Variants in GRXCR1 observed in about 807,000 individuals in gnomAD.
GRXCR1 encodes glutaredoxin domain-containing cysteine-rich protein 1.
In GRXCR1, 27 loss-of-function variants were observed where a neutral mutation model predicts 27.3. The observed-to-expected ratio is 0.99, with a 90% CI of 0.73 to 1.37. GRXCR1 has a LOEUF of 1.37. Among genes scored for constraint, GRXCR1 ranks in the 40% most tolerant of loss-of-function variants. The pLI is 0.00. For synonymous variants in GRXCR1, 122 were observed against 131.1 expected, an observed-to-expected ratio of 0.93 and a Z score of 0.47; for missense variants, 379 against 354.4, an observed-to-expected ratio of 1.07 and a Z score of -0.56.
chr4:42,956,171 G>C (rs535265323), intron 1 of GRXCR1, among the ~76,000 whole-genome samples: 18 of 152,188 alleles, frequency 1.2e-4, no homozygotes, highest in African/African-American at 3.9e-4. Context: ...TTGTTGTAAG[G>C]CTTCCAGGCA....
intron 1 of GRXCR1, among the ~76,000 whole-genome samples, chr4:42,925,233 G>T (rs1043384663): frequency 2.0e-5 from 3 of 152,002 alleles, no homozygotes; most frequent in African/African-American, 4.8e-5. Context: ...TTTTTGGAAG[G>T]TGGAAGGAAA....
intron 1 of GRXCR1, among the ~76,000 whole-genome samples, chr4:42,948,179 C>T (rs1032874109): frequency 6.6e-6 from 1 of 150,952 alleles, no homozygotes; most frequent in Non-Finnish European, 1.5e-5. Context: ...TCATGTAATG[C>T]GAAGTACCTC....
chr4:42,928,611 A>G (rs1747225954), intron 1 of GRXCR1, among the ~76,000 whole-genome samples: 1 of 152,172 alleles, frequency 6.6e-6, no homozygotes, highest in African/African-American at 2.4e-5. Context: ...TTTTAGAGAT[A>G]GGAGGCACTG....
chr4:42,917,388 T>C (rs528355048), intron 1 of GRXCR1, among the ~76,000 whole-genome samples: 26 of 152,182 alleles, frequency 1.7e-4, no homozygotes, highest in African/African-American at 6.3e-4. Context: ...AATTGTTTTG[T>C]TGTGCTAGGC....
At chr4:42,983,789 T>C (rs1711569630) in intron 2 of GRXCR1, among the ~76,000 whole-genome samples, 1 of 151,914 alleles carries the variant, frequency 6.6e-6, no homozygotes, top group Non-Finnish European at 1.5e-5. Context: ...TTTTCTCCTC[T>C]AAGTGTATAT....
chr4:42,983,073 G>A (rs1475301693), intron 2 of GRXCR1, among the ~76,000 whole-genome samples: 203 of 151,564 alleles, frequency 1.3e-3, no homozygotes, highest in African/African-American at 4.2e-3. Context: ...GATCCCATTT[G>A]TCAATTTTGG....
chr4:42,924,979 C>T (rs1432284699), intron 1 of GRXCR1, among the ~76,000 whole-genome samples: 1 of 151,530 alleles, frequency 6.6e-6, no homozygotes, highest in South Asian at 2.1e-4. Flanking sequence ...TTAGCAGAAA[C>T]TTTTACTTGC....
chr4:42,916,391 A>C (rs1289715036), intron 1 of GRXCR1, among the ~76,000 whole-genome samples: 1 of 152,176 alleles, frequency 6.6e-6, no homozygotes, highest in Non-Finnish European at 1.5e-5. Context: ...CAAGCTAAAA[A>C]ATAGTCATGA....
At chr4:42,955,165 G>C (rs1313954437) in intron 1 of GRXCR1, among the ~76,000 whole-genome samples, 1 of 152,072 alleles carries the variant, frequency 6.6e-6, no homozygotes, top group East Asian at 1.9e-4. Context: ...GTCCCAGTTT[G>C]CCTACTGACG....
chr4:43,014,456 C>T (rs1712868071), intron 2 of GRXCR1, among the ~76,000 whole-genome samples: 2 of 152,122 alleles, frequency 1.3e-5, no homozygotes, highest in Admixed American at 6.6e-5. Context: ...CGAACTCCTT[C>T]AATGCCAGCC....
chr4:42,981,484 A>T lies in GRXCR1; in HGVS notation c.627+18350A>T, dbSNP rs148253766. Among the ~76,000 whole-genome samples the T allele has an allele frequency of 7.6e-4, 115 of 152,310 alleles. 1 individual carries two copies. The highest frequency in any genetic ancestry group is 2.7e-3 in the African/African-American group (111 of 41,580). On this transcript the variant is annotated intron_variant, in intron 2 of 3. Coordinates refer to ENST00000399770, the MANE Select transcript of GRXCR1 (RefSeq NM_001080476.3). ...AGATATAAGTGATGTACAAACCACC[A>T]TTACGGTATTAGAATATCTGAATTT...
At chr4:42,976,798 A>G (rs1748534510) in intron 2 of GRXCR1, among the ~76,000 whole-genome samples, 1 of 151,982 alleles carries the variant, frequency 6.6e-6, no homozygotes, top group Non-Finnish European at 1.5e-5. Flanking sequence ...ATTATCTCAC[A>G]TAATTATCAT....
At chr4:42,973,472 G>GT (rs1046141896) in intron 2 of GRXCR1, among the ~76,000 whole-genome samples, 49 of 147,368 alleles carry the variant, frequency 3.3e-4, no homozygotes, top group Admixed American at 1.1e-3. Context: ...CCTTGCCGAT[G>GT]TTTTTTTTTT....
intron 1 of GRXCR1, among the ~76,000 whole-genome samples, chr4:42,943,141 A>G (rs1177657096): frequency 6.6e-6 from 1 of 152,136 alleles, no homozygotes; most frequent in African/African-American, 2.4e-5. Flanking sequence ...ATTGTTTTAT[A>G]TCTCTGAGTC....
At chr4:42,900,083 G>C (rs1305302440) in intron 1 of GRXCR1, among the ~76,000 whole-genome samples, 7 of 152,116 alleles carry the variant, frequency 4.6e-5, no homozygotes. Context: ...CATGCTGGCA[G>C]ATATTGCTCA....
In GRXCR1 at chr4:42,962,966, T is replaced by G; in HGVS notation, c.459T>G (p.Phe153Leu). 6.2e-7 allele frequency: 1 copy of G among 1,612,860 alleles called. No homozygotes were observed. Among genetic ancestry groups the G allele is most frequent in the Non-Finnish European group, 8.5e-7 (1 of 1,179,170 alleles). ...TTCLRVVRTT[F>L]ERCELVRKIF... ...GCCTTCGTGTGGTCCGGACAACCTT[T>G]GAAAGATGTGAACTGGTTAGAAAGA... The change falls in exon 2 of 4, where the codon TTT (phenylalanine) becomes TTG (leucine). Residue 153 changes from phenylalanine (F) to leucine (L), a missense_variant. Coordinates refer to ENST00000399770, the MANE Select transcript of GRXCR1 (RefSeq NM_001080476.3).
At chr4:42,988,921 A>T (rs1449672634) in intron 2 of GRXCR1, among the ~76,000 whole-genome samples, 1 of 152,220 alleles carries the variant, frequency 6.6e-6, no homozygotes, top group Non-Finnish European at 1.5e-5. Flanking sequence ...TCTCTCTATT[A>T]TAATCATCTC....
intron 3 of GRXCR1, among the ~76,000 whole-genome samples, chr4:43,028,325 C>T (rs1350216918): frequency 6.6e-6 from 1 of 152,070 alleles, no homozygotes; most frequent in Non-Finnish European, 1.5e-5. Flanking sequence ...CATACTTAAA[C>T]AAAAATTATT....
intron 2 of GRXCR1, among the ~76,000 whole-genome samples, chr4:42,980,248 A>G (rs1238797984): frequency 7.0e-6 from 1 of 143,470 alleles, no homozygotes; most frequent in Non-Finnish European, 1.6e-5. Flanking sequence ...TTTATTTGAG[A>G]TCTTTCTTCT....
Sources: gnomAD v4.1 joint callset for allele counts (sites outside exome capture counted in the v4.1 genomes callset) on GRCh38, gnomAD v4.1.1 for gene constraint, MANE v1.5 for transcripts, NCBI Gene and HGNC (gene_info 2026-07-23, HGNC 2026-07-21) for gene names.